HS6ST1: variants seen among roughly 807,000 people sequenced by gnomAD.
The protein encoded by HS6ST1 is heparan sulfate 6-O-sulfotransferase 1, also known as heparan-sulfate 6-O-sulfotransferase 1.
A neutral mutation model predicts 25.2 loss-of-function variants in HS6ST1; 3 were observed. The ratio of observed to expected loss-of-function variants is 0.12; its 90% CI spans 0.05 to 0.31. The LOEUF (loss-of-function observed/expected upper bound fraction) is 0.31. HS6ST1 is among the 10% of genes least tolerant of loss of function. The probability of loss-of-function intolerance (pLI) is 1.00; values close to 1 mark genes in which losing one functional copy is unlikely to be tolerated. For missense variants in HS6ST1, 310 were observed against 609.6 expected, an observed-to-expected ratio of 0.51 and a Z score of 5.18; for synonymous variants, 204 against 275.1, an observed-to-expected ratio of 0.74 and a Z score of 2.56.
At chr2:128,299,707 C>T (rs898666255) in intron 1 of HS6ST1, among the ~76,000 whole-genome samples, 2 of 152,194 alleles carry the variant, frequency 1.3e-5, no homozygotes, top group African/African-American at 4.8e-5. Flanking sequence ...GTGGGCCAGG[C>T]CTGCCTGGAA....
intron 1 of HS6ST1, among the ~76,000 whole-genome samples, chr2:128,286,564 C>T (rs1185891593): frequency 1.3e-5 from 2 of 152,172 alleles, no homozygotes; most frequent in East Asian, 3.9e-4. Flanking sequence ...CATCCAAATG[C>T]ACGGGTTGGT....
At chr2:128,284,446 G>A (rs1386094678) in intron 1 of HS6ST1, among the ~76,000 whole-genome samples, 5 of 151,456 alleles carry the variant, frequency 3.3e-5, no homozygotes, top group Non-Finnish European at 1.5e-5. Context: ...TCATCCCTTT[G>A]TCCCAGGTGC....
intron 1 of HS6ST1, among the ~76,000 whole-genome samples, chr2:128,312,608 C>A (rs1694308268): frequency 6.6e-6 from 1 of 152,188 alleles, no homozygotes; most frequent in Admixed American, 6.5e-5. Flanking sequence ...AACTCAGCCA[C>A]CTGTGAGCAG....
rs1693552883 is a variant in HS6ST1 at position 128,268,205 on chromosome 2, A to G, written c.1193T>C (p.Val398Ala). ...GTGGCTCATGTAGTCCTCGGTGGGC[A>G]CGCGGCCCGGCTCGTCGGCATCCTC... ...PREDADEPGR[V>A]PTEDYMSHII... is the part of the protein sequence containing the mutation. Residue 398 changes from valine to alanine, a missense_variant, in exon 2 of 2, where the codon GTG becomes GCG. Physicochemically the swap from Val to Ala is moderately conservative, Grantham distance 64. Around this residue, in one of 5 missense-constraint regions of HS6ST1, gnomAD observed 140 missense variants for 176.5 expected, o/e 0.79. Coordinates refer to ENST00000259241, the MANE Select transcript of HS6ST1 (RefSeq NM_004807.3). 3 of 1,609,540 alleles carry G rather than the reference A, an allele frequency of 1.9e-6. No individual in the cohort carries two copies. The highest frequency in any genetic ancestry group is 4.2e-4 in the Middle Eastern group (2 of 4,806).
At chr2:128,292,083 G>A (rs1372874298) in intron 1 of HS6ST1, among the ~76,000 whole-genome samples, 1 of 152,204 alleles carries the variant, frequency 6.6e-6, no homozygotes, top group Non-Finnish European at 1.5e-5. Context: ...AGGGGAGGCG[G>A]CACAGGGCAA....
Position 128,266,813 on chromosome 2 carries a change from TG to T in HS6ST1, c.*1348del, listed in dbSNP as rs1693522712. On this transcript the variant is annotated 3_prime_UTR_variant, in exon 2 of 2. Coordinates refer to ENST00000259241, the MANE Select transcript of HS6ST1 (RefSeq NM_004807.3). ...GCTTGGCCTCCTAGGGCATAAGGAA[TG>T]GGGACAGGGCACAGGGCACGTGCTT... 6.6e-6 allele frequency: 1 copy of T among 152,198 alleles called. No individual in the cohort carries two copies. The allele number at this position is 152,198 out of a possible 1,614,324, so 9.4% of individuals were successfully genotyped here.
rs905215285 is a variant in HS6ST1, at chr2:128,280,476, C to T, written c.528-11606G>A. 4.1e-4 allele frequency among the ~76,000 whole-genome samples: 62 copies of T among 152,212 alleles called. 1 individual carries two copies. Among genetic ancestry groups the T allele is most frequent in the Non-Finnish European group, 8.1e-4 (55 of 68,040 alleles). Reference sequence around the variant, plus strand: ...GCCACTGCCTGAGAGGGAATGGCTTCCCCACCGCTCTGGTGTGCCTGCACC... The same window carrying T: ...GCCACTGCCTGAGAGGGAATGGCTTTCCCACCGCTCTGGTGTGCCTGCACC... On this transcript the variant is annotated intron_variant, in intron 1 of 1. Transcript: ENST00000259241.
In HS6ST1 at chr2:128,318,002, C is replaced by A; in HGVS notation, c.527+35G>T. 1 of 1,420,620 alleles carries A rather than the reference C, an allele frequency of 7.0e-7. No homozygotes were observed. Among genetic ancestry groups the A allele is most frequent in the Non-Finnish European group, 9.1e-7 (1 of 1,100,686 alleles). 88.0% of individuals were successfully genotyped at this position (1,420,620 alleles called of 1,614,324 possible). A position where few individuals can be genotyped will look rare whatever the true frequency, so the allele number is the denominator to read the frequency against. ...GGCATACGGCCCGGCCTCGGGGGCG[C>A]AGCTGCGCGAGGATCCCGCCGCCCG... On this transcript the variant is annotated intron_variant, in intron 1 of 1. Coordinates refer to ENST00000259241, the MANE Select transcript of HS6ST1 (RefSeq NM_004807.3). The surrounding 1 kb of genome is among the most constrained non-coding windows in gnomAD (Gnocchi z 5.7).
At chr2:128,280,248 C>T (rs1013804828) in intron 1 of HS6ST1, among the ~76,000 whole-genome samples, 5 of 152,254 alleles carry the variant, frequency 3.3e-5, no homozygotes, top group Non-Finnish European at 7.3e-5. Context: ...AGCCGCTGAG[C>T]GCCCCACTTG....
In HS6ST1 at chr2:128,268,615, G is replaced by A. The variant is rs1573686762; in HGVS notation, c.783C>T (p.Gly261=). Residue 261 remains glycine (G), a synonymous_variant, in exon 2 of 2, where the codon GGC becomes GGT. Transcript: ENST00000259241. The part of the protein sequence containing the change: ...VRMLADLSLV[G]CYNLSFIPEG... ...CGGGGATGAAGGACAGGTTGTAGCA[G>A]CCCACCAGGCTCAGGTCGGCCAGCA... The A allele has an allele frequency of 6.2e-7, 1 of 1,607,714 alleles. No homozygotes were observed. Among genetic ancestry groups the A allele is most frequent in the African/African-American group, 1.3e-5 (1 of 74,846 alleles).
chr2:128,290,394 G>T (rs1056094085), intron 1 of HS6ST1, among the ~76,000 whole-genome samples: 2 of 151,882 alleles, frequency 1.3e-5, no homozygotes, highest in African/African-American at 4.8e-5. Context: ...GCACAAGAGA[G>T]GAAAATTGCA....
intron 1 of HS6ST1, among the ~76,000 whole-genome samples, chr2:128,311,948 C>T (rs1694296924): frequency 1.3e-5 from 2 of 152,258 alleles, no homozygotes; most frequent in African/African-American, 2.4e-5. Context: ...GCAGTCTCTG[C>T]TGCCAGGGGC....
In HS6ST1 at chr2:128,267,192, CTT is replaced by C. The variant is rs1425835643; in HGVS notation, c.*968_*969del. 1 of 152,126 alleles carries C rather than the reference CTT, an allele frequency of 6.6e-6. No individual in the cohort carries two copies. 9.4% of individuals were successfully genotyped at this position (152,126 alleles called of 1,614,324 possible). On this transcript the variant is annotated 3_prime_UTR_variant, in exon 2 of 2. Coordinates refer to ENST00000259241, the MANE Select transcript of HS6ST1 (RefSeq NM_004807.3). ...TGGTGGGAGCAGTGGTATTTGAGCT[CTT>C]GAGTATGTGTTTCGGTGATGGGGCT...
chr2:128,277,858 T>C (rs1399423956), intron 1 of HS6ST1, among the ~76,000 whole-genome samples: 3 of 152,264 alleles, frequency 2.0e-5, no homozygotes, highest in East Asian at 3.8e-4. Context: ...GCCCACAGAA[T>C]GATCGCCTGG....
At chr2:128,311,486 G>A (rs1222820427) in intron 1 of HS6ST1, among the ~76,000 whole-genome samples, 1 of 152,172 alleles carries the variant, frequency 6.6e-6, no homozygotes, top group Non-Finnish European at 1.5e-5. Context: ...GGCTTCTCAT[G>A]CTCTTCCCGC....
intron 1 of HS6ST1, among the ~76,000 whole-genome samples, chr2:128,283,309 G>C (rs1203127019): frequency 6.6e-6 from 1 of 152,228 alleles, no homozygotes; most frequent in Non-Finnish European, 1.5e-5. Context: ...CTGGACAGAA[G>C]GGGCCCTGGT....
At position 128,307,202 on chromosome 2, in the gene HS6ST1, TCA is replaced by T. The variant is rs1301237936; in HGVS notation, c.527+10833_527+10834del. On this transcript the variant is annotated intron_variant, in intron 1 of 1. Coordinates refer to ENST00000259241, the MANE Select transcript of HS6ST1 (RefSeq NM_004807.3). ...GTCTGCTTGTCTGGCCTTCCTGGGC[TCA>T]GGGCTGTGCAGGTGCCACCGTGGGC... 1.3e-5 allele frequency among the ~76,000 whole-genome samples: 2 copies of T among 152,120 alleles called. 1 individual carries two copies. The highest frequency in any genetic ancestry group is 2.9e-5 in the Non-Finnish European group (2 of 68,004).
chr2:128,309,338 A>G (rs1349034991), intron 1 of HS6ST1, among the ~76,000 whole-genome samples: 1 of 152,268 alleles, frequency 6.6e-6, no homozygotes, highest in South Asian at 2.1e-4. Flanking sequence ...TCCAGGCAGG[A>G]ATGGGGCCAG....
At chr2:128,303,646 A>G (rs1694167482) in intron 1 of HS6ST1, among the ~76,000 whole-genome samples, 1 of 152,178 alleles carries the variant, frequency 6.6e-6, no homozygotes, top group South Asian at 2.1e-4. Context: ...CTTCTGCTTC[A>G]TGACATCCAG....
Sources: gnomAD v4.1 joint callset for allele counts (sites outside exome capture counted in the v4.1 genomes callset) on GRCh38, gnomAD v4.1.1 for gene constraint, gnomAD v4.1.1 regional missense constraint, Gnocchi (gnomAD v3.1) non-coding constraint, MANE v1.5 for transcripts, NCBI Gene and HGNC (gene_info 2026-07-23, HGNC 2026-07-21) for gene names.